The following PTPN4 variants were observed in gnomAD, a reference collection of about 807,000 sequenced individuals.
The protein encoded by PTPN4 is tyrosine-protein phosphatase non-receptor type 4.
In PTPN4, 49 loss-of-function variants were observed where a neutral mutation model predicts 135.5. The observed-to-expected ratio is 0.36, with a 90% CI of 0.29 to 0.46. The LOEUF is 0.46. Among genes scored for constraint, PTPN4 ranks in the 20% least tolerant of loss-of-function variants. PTPN4 has a pLI of 1.00. For missense variants in PTPN4, 860 were observed against 1,101.0 expected, an observed-to-expected ratio of 0.78 and a Z score of 3.10; for synonymous variants, 333 against 369.9, an observed-to-expected ratio of 0.90 and a Z score of 1.14.
At chr2:119,878,088 G>A (rs1156810129) in intron 5 of PTPN4, among the ~76,000 whole-genome samples, 1 of 152,076 alleles carries the variant, frequency 6.6e-6, no homozygotes, top group East Asian at 1.9e-4. Flanking sequence ...GCATGTTGAG[G>A]CCTTTACATG....
At chr2:119,795,236 C>G (rs1041507721) in intron 1 of PTPN4, among the ~76,000 whole-genome samples, 2 of 152,266 alleles carry the variant, frequency 1.3e-5, no homozygotes, top group African/African-American at 4.8e-5. Flanking sequence ...ACCACAAGTT[C>G]CCACTCTGGT....
chr2:119,961,290 G>A (rs1679362187), intron 23 of PTPN4, among the ~76,000 whole-genome samples: 1 of 152,144 alleles, frequency 6.6e-6, no homozygotes, highest in South Asian at 2.1e-4. Context: ...GTTCTCCAAA[G>A]AAGATATACA....
intron 13 of PTPN4, among the ~76,000 whole-genome samples, chr2:119,931,333 T>C (rs888008111): frequency 1.3e-5 from 2 of 152,028 alleles, no homozygotes; most frequent in African/African-American, 4.8e-5. Flanking sequence ...AAATACTTTA[T>C]TTGTTAACAT....
intron 23 of PTPN4, among the ~76,000 whole-genome samples, chr2:119,961,612 A>G (rs928149643): frequency 3.9e-5 from 6 of 152,252 alleles, no homozygotes; most frequent in Admixed American, 2.0e-4. Context: ...ATGAGCATTC[A>G]TAACAGCATT....
intron 18 of PTPN4, among the ~76,000 whole-genome samples, chr2:119,947,791 C>CACACAT (rs1044854246): frequency 5.3e-5 from 8 of 151,474 alleles, no homozygotes; most frequent in Non-Finnish European, 1.0e-4. Flanking sequence ...CACACACACA[C>CACACAT]ATCAGATTGT....
At chr2:119,925,146 C>T (rs1042554540) in intron 12 of PTPN4, among the ~76,000 whole-genome samples, 1 of 152,100 alleles carries the variant, frequency 6.6e-6, no homozygotes, top group Non-Finnish European at 1.5e-5. Context: ...AGGATGGGAC[C>T]ATCTACAGGA....
chr2:119,926,994 T>C (rs1037976426), intron 13 of PTPN4, among the ~76,000 whole-genome samples: 1 of 152,112 alleles, frequency 6.6e-6, no homozygotes, highest in African/African-American at 2.4e-5. Context: ...TTATTTCATG[T>C]TATCAAGCCA....
chr2:119,915,885 T>C (rs1422543650), intron 11 of PTPN4: 1 of 152,070 alleles, frequency 6.6e-6, no homozygotes, highest in African/African-American at 2.4e-5. Context: ...TAAAATGTAT[T>C]TGAAACCATA....
At chr2:119,806,616 A>G (rs527473545) in intron 1 of PTPN4, among the ~76,000 whole-genome samples, 1 of 152,316 alleles carries the variant, frequency 6.6e-6, no homozygotes, top group African/African-American at 2.4e-5. Flanking sequence ...AGACTCCCAC[A>G]CAATAATAAT....
At chr2:119,863,462 C>G (rs1415285565) in intron 3 of PTPN4, among the ~76,000 whole-genome samples, 1 of 152,020 alleles carries the variant, frequency 6.6e-6, no homozygotes, top group Non-Finnish European at 1.5e-5. Flanking sequence ...GATTAGGAGG[C>G]TGAAGAAATG....
chr2:119,952,364 G>A (rs113645367), intron 19 of PTPN4, among the ~76,000 whole-genome samples: 3,518 of 151,970 alleles, frequency 0.023, 127 homozygotes, highest in African/African-American at 0.077. Flanking sequence ...CAGTTACTCA[G>A]ATCTTCCAAT....
intron 1 of PTPN4, among the ~76,000 whole-genome samples, chr2:119,804,383 A>T (rs1430403444): frequency 6.6e-6 from 1 of 151,808 alleles, no homozygotes; most frequent in East Asian, 1.9e-4. Context: ...GCACCCATTA[A>T]CTCATCATTT....
intron 2 of PTPN4, among the ~76,000 whole-genome samples, chr2:119,851,565 C>T (rs1368745983): frequency 2.0e-5 from 3 of 152,178 alleles, no homozygotes; most frequent in Non-Finnish European, 4.4e-5. Flanking sequence ...TGAGCACATG[C>T]AGTGGATTTA....
chr2:119,896,617 A>T (rs1678327958), intron 9 of PTPN4, among the ~76,000 whole-genome samples: 1 of 152,132 alleles, frequency 6.6e-6, no homozygotes, highest in Non-Finnish European at 1.5e-5. Context: ...CCATTAATTT[A>T]TTGGAAGCAG....
intron 2 of PTPN4, among the ~76,000 whole-genome samples, chr2:119,820,005 G>A (rs1279929971): frequency 6.6e-6 from 1 of 152,084 alleles, no homozygotes; most frequent in African/African-American, 2.4e-5. Flanking sequence ...GAGACTACGG[G>A]CATGCGCCAC....
chr2:119,925,127 CT>C (rs1436967350), intron 12 of PTPN4, among the ~76,000 whole-genome samples: 2 of 152,102 alleles, frequency 1.3e-5, no homozygotes, highest in Non-Finnish European at 2.9e-5. Context: ...AGAAGTACTG[CT>C]TTAATCAAGG....
rs1468979683 is a variant in PTPN4 at position 119,983,804 on chromosome 2, G to C, written c.*6734G>C. ...GTAGCACAATAAAGGATAACCAGTT[G>C]ACTGTGTTACTGGACTCTGAGTTCT... On this transcript the variant is annotated 3_prime_UTR_variant, in exon 27 of 27. Transcript: ENST00000263708. 6.6e-6 allele frequency: 1 copy of C among 152,158 alleles called. No homozygotes were observed. The highest frequency in any genetic ancestry group is 2.4e-5 in the African/African-American group (1 of 41,434). The allele number at this position is 152,158 out of a possible 1,614,324, so 9.4% of individuals were successfully genotyped here. A position where few individuals can be genotyped will look rare whatever the true frequency, so the allele number is the denominator to read the frequency against.
At chr2:119,891,094 G>T (rs1281069238) in intron 9 of PTPN4, among the ~76,000 whole-genome samples, 1 of 152,062 alleles carries the variant, frequency 6.6e-6, no homozygotes, top group Non-Finnish European at 1.5e-5. Context: ...TCTGCTTGGG[G>T]GTACAAGTAA....
intron 10 of PTPN4, among the ~76,000 whole-genome samples, chr2:119,912,266 G>A (rs3111727): frequency 0.086 from 13,143 of 152,208 alleles, 988 homozygotes; most frequent in African/African-American, 0.21. Flanking sequence ...TTACGTAGGC[G>A]GGATGGGTTG....
Sources: gnomAD v4.1 joint callset for allele counts (sites outside exome capture counted in the v4.1 genomes callset) on GRCh38, gnomAD v4.1.1 for gene constraint, MANE v1.5 for transcripts, NCBI Gene and HGNC (gene_info 2026-07-23, HGNC 2026-07-21) for gene names.